Variants in AKAP1 observed in about 807,000 individuals in gnomAD.
AKAP1 encodes the protein A-kinase anchoring protein 1.
AKAP1 carries 32 observed loss-of-function variants against 79.8 expected under a neutral mutation model. The ratio of observed to expected loss-of-function variants is 0.40; its 90% CI spans 0.30 to 0.54. The LOEUF (loss-of-function observed/expected upper bound fraction) is 0.54, where lower values mean the gene tolerates loss of function less well. AKAP1 is among the 20% of genes least tolerant of loss of function. The probability of loss-of-function intolerance (pLI) is 0.47; values close to 1 mark genes in which losing one functional copy is unlikely to be tolerated. For synonymous variants in AKAP1, 416 were observed against 466.7 expected, an observed-to-expected ratio of 0.89 and a Z score of 1.40; for missense variants, 961 against 1,138.9, an observed-to-expected ratio of 0.84 and a Z score of 2.25.
In AKAP1 at chr17:57,086,836, G is replaced by C. The variant is rs148134257; in HGVS notation, c.-25+1438G>C. On this transcript the variant is annotated intron_variant, in intron 1 of 10. Transcript: ENST00000337714. This position sits in a 1 kb window ranked among gnomAD's most constrained non-coding sequence, Gnocchi z 5.1. The stretch of plus-strand genomic sequence containing the variant: ...ACTCTTTATTTAGAAAGCAAAGCTT[G>C]GACTCTTAGCACCACCCATCCACTT... Among the ~76,000 whole-genome samples, 11 of 150,884 alleles carry C rather than the reference G, an allele frequency of 7.3e-5. 1 individual carries two copies. In the East Asian group the frequency reaches 2.1e-3, roughly 29 times the overall value.
rs760879901 is a variant in AKAP1 at position 57,106,943 on chromosome 17, C to G, written c.1479C>G (p.Asp493Glu). 3.7e-6 allele frequency: 6 copies of G among 1,613,962 alleles called. No homozygotes were observed. The East Asian group carries it at 1.3e-4, about 36-fold the overall frequency. The change falls in exon 2 of 11, where the codon GAC (aspartate) becomes GAG (glutamate). Residue 493 changes from aspartate (D) to glutamate (E), a missense_variant. Physicochemically the swap from Asp to Glu is conservative, Grantham distance 45. Coordinates refer to ENST00000337714, the MANE Select transcript of AKAP1 (RefSeq NM_003488.4). ...CCACCTGTGTCACCTGCATGTCAGA[C>G]AGCAGCCAAAGTGTCCCTTTGGTGG... ...EDATCVTCMS[D>E]SSQSVPLVAS...
At chr17:57,109,911 A>G in intron 2 of AKAP1, 114 bp from the exon 3 acceptor site, 1 of 1,383,770 alleles carries the variant, frequency 7.2e-7, no homozygotes, top group South Asian at 1.4e-5. Flanking sequence ...GCCAAGCTTG[A>G]GGAGCGGGTG....
intron 1 of AKAP1, among the ~76,000 whole-genome samples, chr17:57,103,748 A>T (rs1249716377): frequency 6.6e-5 from 10 of 152,212 alleles, no homozygotes; most frequent in Admixed American, 4.6e-4. Context: ...ATTGAATGTA[A>T]GTGTTCTAGA....
chr17:57,099,429 T>C (rs1477932399), intron 1 of AKAP1, among the ~76,000 whole-genome samples: 1 of 152,216 alleles, frequency 6.6e-6, no homozygotes, highest in Non-Finnish European at 1.5e-5. Context: ...CTTGGGTCTC[T>C]GGCTCTAGTC....
chr17:57,108,326 A>G lies in AKAP1; in HGVS notation c.1714+1148A>G, dbSNP rs183899759. On this transcript the variant is annotated intron_variant, in intron 2 of 10. Coordinates refer to ENST00000337714, the MANE Select transcript of AKAP1 (RefSeq NM_003488.4). ...TGGAAAGAAAAAAGTGCTGCCAGTC[A>G]TGATTATAGAAGGCAAGATACTATA... Among the ~76,000 whole-genome samples, 24 of 152,342 alleles carry G rather than the reference A, an allele frequency of 1.6e-4. No homozygotes were observed. The East Asian group carries it at 4.4e-3, about 28-fold the overall frequency.
chr17:57,086,622 AGTGCGC>A lies in AKAP1; in HGVS notation c.-25+1227_-25+1232del, dbSNP rs1235389658. 1 of 336,662 alleles carries A rather than the reference AGTGCGC, an allele frequency of 3.0e-6. No individual in the cohort carries two copies. The highest frequency in any genetic ancestry group is 5.9e-6 in the Non-Finnish European group (1 of 170,628). The allele number at this position is 336,662 out of a possible 1,614,324, so 20.9% of individuals were successfully genotyped here. ...AACCTGGGTATCTTTCCCCTACTGT[AGTGCGC>A]GTTACTTCGTGTTTAGATTTGTCTC... On this transcript the variant is annotated intron_variant, in intron 1 of 10. Coordinates refer to ENST00000337714, the MANE Select transcript of AKAP1 (RefSeq NM_003488.4). This position sits in a 1 kb window ranked among gnomAD's most constrained non-coding sequence, Gnocchi z 5.1.
chr17:57,094,593 T>G, intron 1 of AKAP1: 1 of 146,468 alleles, frequency 6.8e-6, no homozygotes, highest in African/African-American at 2.5e-5. Flanking sequence ...GTGGTGAAAA[T>G]GGGTCCCCCC....
At chr17:57,119,785 G>T (rs982050065) in intron 10 of AKAP1, among the ~76,000 whole-genome samples, 2 of 139,650 alleles carry the variant, frequency 1.4e-5, no homozygotes, top group Non-Finnish European at 3.0e-5. Flanking sequence ...TTAAATAAAT[G>T]TTCCTGTTGG....
At chr17:57,090,650 A>G (rs1567895654) in intron 1 of AKAP1, among the ~76,000 whole-genome samples, 1 of 152,220 alleles carries the variant, frequency 6.6e-6, no homozygotes, top group Admixed American at 6.5e-5. Context: ...TCTGTGAGGG[A>G]GATATTCCCT....
In AKAP1 at chr17:57,105,963, C is replaced by T. The variant is rs1914828709; in HGVS notation, c.499C>T (p.Gln167Ter). The T allele has an allele frequency of 6.2e-7, 1 of 1,614,100 alleles. No homozygotes were observed. The highest frequency in any genetic ancestry group is 8.5e-7 in the Non-Finnish European group (1 of 1,180,050). ...FSSKSAEVCK[Q>*]DSPFSRVPRK... ...CAGCAAATCAGCTGAGGTGTGTAAG[C>T]AAGATTCCCCCTTCAGCAGGGTGCC... is the stretch of plus-strand genomic sequence containing the variant. Residue 167 changes from glutamine to a stop codon, truncating the protein, a stop_gained, in exon 2 of 11, where the codon CAA becomes TAA. Coordinates refer to ENST00000337714, the MANE Select transcript of AKAP1 (RefSeq NM_003488.4). LOFTEE classifies it high-confidence loss of function.
intron 3 of AKAP1, among the ~76,000 whole-genome samples, chr17:57,111,091 C>T (rs569915095): frequency 3.3e-5 from 5 of 152,220 alleles, no homozygotes; most frequent in African/African-American, 1.2e-4. Context: ...TCAGTGGTTA[C>T]AAAGGGCATG....
intron 2 of AKAP1, among the ~76,000 whole-genome samples, chr17:57,108,415 T>C (rs1354223369): frequency 6.6e-6 from 1 of 152,196 alleles, no homozygotes; most frequent in Admixed American, 6.5e-5. Flanking sequence ...AAATGGGTGA[T>C]TTTTATTTTA....
chr17:57,115,775 C>T (rs570150952), intron 6 of AKAP1, among the ~76,000 whole-genome samples: 16 of 152,314 alleles, frequency 1.1e-4, no homozygotes, highest in Admixed American at 9.8e-4. Flanking sequence ...CCCCATTCCC[C>T]GAGTGCTATA....
chr17:57,110,299 G>A, intron 3 of AKAP1, 141 bp downstream of exon 3: 2 of 1,157,442 alleles, frequency 1.7e-6, no homozygotes, highest in Non-Finnish European at 2.4e-6. Context: ...AGGCCGCAGG[G>A]AAAGGACACG....
At position 57,111,832 on chromosome 17, in the gene AKAP1, G is replaced by A. The variant is rs777520673; in HGVS notation, c.1883G>A (p.Arg628His). The A allele has an allele frequency of 1.9e-5, 30 of 1,613,922 alleles. No individual in the cohort carries two copies. Among genetic ancestry groups the A allele is most frequent in the South Asian group, 5.5e-5 (5 of 91,070 alleles). The change falls in exon 4 of 11, where the codon CGC (arginine) becomes CAC (histidine). Residue 628 changes from arginine (R) to histidine (H), a missense_variant. By Grantham distance (29) the Arg-to-His change is conservative. This residue lies in a region of AKAP1 where 629 missense variants were observed against 781.1 expected (regional missense o/e 0.81). Coordinates refer to ENST00000337714, the MANE Select transcript of AKAP1 (RefSeq NM_003488.4). Reference protein sequence around the residue: ...LVGRLIGKQGRYVSFLKQTSG... With the variant: ...LVGRLIGKQGHYVSFLKQTSG... ...GGTCGGCTAATTGGCAAGCAGGGGC[G>A]CTATGTGAGTTTTCTGAAGCAAACA...
intron 1 of AKAP1, among the ~76,000 whole-genome samples, chr17:57,099,009 C>T (rs764320700): frequency 6.6e-6 from 1 of 151,818 alleles, no homozygotes; most frequent in Non-Finnish European, 1.5e-5. Context: ...TCGTGATCTG[C>T]CCGCCTCGGC....
At chr17:57,105,361 C>G in intron 1 of AKAP1, 80 bp from the exon 2 acceptor site, 2 of 1,366,954 alleles carry the variant, frequency 1.5e-6, no homozygotes, top group Non-Finnish European at 2.1e-6. Context: ...ACCCTGTTGA[C>G]TGTCTTGCAT....
intron 1 of AKAP1, among the ~76,000 whole-genome samples, chr17:57,104,091 C>T (rs1188284842): frequency 6.6e-6 from 1 of 152,134 alleles, no homozygotes; most frequent in African/African-American, 2.4e-5. Flanking sequence ...TCCTGAGTAG[C>T]TGGGATTACA....
rs1257338014 is a variant in AKAP1, at chr17:57,106,321, C to T, written c.857C>T (p.Pro286Leu). ...HTELAKDDAAPAPPVADAKAQ... is the reference protein window; with the variant it reads ...HTELAKDDAALAPPVADAKAQ... Reference sequence around the variant, plus strand: ...GAGCTGGCAAAGGACGATGCGGCGCCAGCACCCCCAGTCGCAGACGCCAAA... The same window carrying T: ...GAGCTGGCAAAGGACGATGCGGCGCTAGCACCCCCAGTCGCAGACGCCAAA... The change falls in exon 2 of 11, where the codon CCA (proline) becomes CTA (leucine). Residue 286 changes from proline to leucine, a missense_variant. Pro to Leu is a moderately conservative substitution (Grantham distance 98). Coordinates refer to ENST00000337714, the MANE Select transcript of AKAP1 (RefSeq NM_003488.4). The T allele has an allele frequency of 6.2e-7, 1 of 1,614,140 alleles. No homozygotes were observed. The highest frequency in any genetic ancestry group is 8.5e-7 in the Non-Finnish European group (1 of 1,180,032).
Sources: allele counts gnomAD v4.1 joint callset (sites outside exome capture counted in the v4.1 genomes callset), GRCh38; gene constraint gnomAD v4.1.1; regional missense constraint gnomAD v4.1.1; non-coding constraint Gnocchi (gnomAD v3.1); transcripts MANE v1.5; gene names NCBI Gene and HGNC (gene_info 2026-07-23, HGNC 2026-07-21).